The following SLC28A2 variants were observed in gnomAD, a reference collection of about 807,000 sequenced individuals.
SLC28A2 encodes sodium/nucleoside cotransporter 2.
In SLC28A2, 69 loss-of-function variants were observed where a neutral mutation model predicts 72.9. The observed-to-expected ratio is 0.95, with a 90% CI of 0.78 to 1.16. The LOEUF (loss-of-function observed/expected upper bound fraction) is 1.16. Ranked by LOEUF, SLC28A2 falls within the 50% of genes most tolerant of loss-of-function variation. SLC28A2 has a pLI of 0.00. For synonymous variants in SLC28A2, 296 were observed against 294.1 expected (o/e 1.01, Z -0.07); for missense variants, 745 against 791.1 (o/e 0.94, Z 0.70).
chr15:45,265,072 T>A lies in SLC28A2; in HGVS notation c.703-17T>A. The stretch of plus-strand genomic sequence containing the variant: ...GTTTCATTCTTATTCTCTGTCTTTT[T>A]CTTTTTTTCCCTTCAGATTTTCCTG... On this transcript the variant is annotated splice_polypyrimidine_tract_variant and intron_variant, in intron 7 of 17. Coordinates refer to ENST00000347644, the MANE Select transcript of SLC28A2 (RefSeq NM_004212.4). 6.3e-7 allele frequency: 1 copy of A among 1,590,796 alleles called. No homozygotes were observed. Among genetic ancestry groups the A allele is most frequent in the South Asian group, 1.1e-5 (1 of 90,584 alleles).
At position 45,275,559 on chromosome 15, in the gene SLC28A2, G is replaced by C; in HGVS notation, c.*46G>C. Reference sequence around the variant, plus strand: ...TAACAGTTTTGATCTTAAAAGCTTTGTGATTGCAAAGGTGTTTATGTACTC... The same window carrying C: ...TAACAGTTTTGATCTTAAAAGCTTTCTGATTGCAAAGGTGTTTATGTACTC... On this transcript the variant is annotated 3_prime_UTR_variant, in exon 18 of 18. Transcript: ENST00000347644. 8.0e-7 allele frequency: 1 copy of C among 1,253,500 alleles called. No individual in the cohort carries two copies. The highest frequency in any genetic ancestry group is 1.2e-6 in the Non-Finnish European group (1 of 857,834). 77.6% of individuals were successfully genotyped at this position (1,253,500 alleles called of 1,614,324 possible).
In SLC28A2 at chr15:45,276,641, T is replaced by C. The variant is rs1420550002; in HGVS notation, c.*1128T>C. 1 of 152,164 alleles carries C rather than the reference T, an allele frequency of 6.6e-6. No individual in the cohort carries two copies. The highest frequency in any genetic ancestry group is 2.4e-5 in the African/African-American group (1 of 41,438). The allele number at this position is 152,164 out of a possible 1,614,324, so 9.4% of individuals were successfully genotyped here. The stretch of plus-strand genomic sequence containing the variant: ...CCATCTTAAAAATTATGTGATGCAG[T>C]GTGCTATAAATGTGATTTAGTATGT... On this transcript the variant is annotated 3_prime_UTR_variant, in exon 18 of 18. Transcript: ENST00000347644.
chr15:45,265,893 T>A (rs1288992205), intron 9 of SLC28A2, among the ~76,000 whole-genome samples, 188 bp from the exon 10 acceptor site: 2 of 152,186 alleles, frequency 1.3e-5, no homozygotes, highest in African/African-American at 4.8e-5. Flanking sequence ...ATGTACTTGT[T>A]CTAAAGGCAA....
intron 16 of SLC28A2, 68 bp downstream of exon 16, chr15:45,272,461 A>G: frequency 7.8e-7 from 1 of 1,278,300 alleles, no homozygotes; most frequent in South Asian, 1.2e-5. Flanking sequence ...AATATGAGGA[A>G]GGTAGAATTG....
At position 45,276,519 on chromosome 15, in the gene SLC28A2, A is replaced by G. The variant is rs1299814647; in HGVS notation, c.*1006A>G. The G allele has an allele frequency of 6.9e-6, 1 of 144,414 alleles. No individual in the cohort carries two copies. The highest frequency in any genetic ancestry group is 1.9e-4 in the East Asian group (1 of 5,202). The allele number at this position is 144,414 out of a possible 1,614,324, so 8.9% of individuals were successfully genotyped here. A position where few individuals can be genotyped will look rare whatever the true frequency, so the allele number is the denominator to read the frequency against. On this transcript the variant is annotated 3_prime_UTR_variant, in exon 18 of 18. Transcript: ENST00000347644. Reference sequence around the variant, plus strand: ...GAAAAAACTTCATAAAATAAAGTGAAGCACCCACCAAAAAATAAAATAAAT... The same window carrying G: ...GAAAAAACTTCATAAAATAAAGTGAGGCACCCACCAAAAAATAAAATAAAT...
chr15:45,256,315 G>A lies in SLC28A2; in HGVS notation c.170+2795G>A, dbSNP rs569978884. On this transcript the variant is annotated intron_variant, in intron 3 of 17. Coordinates refer to ENST00000347644, the MANE Select transcript of SLC28A2 (RefSeq NM_004212.4). ...CTCCCAAAGTGCTGAGATTACAGGT[G>A]TGAGCCATGTGCCTGACCTTAACTT... 3.3e-5 allele frequency among the ~76,000 whole-genome samples: 5 copies of A among 152,196 alleles called. No homozygotes were observed. In the East Asian group the frequency reaches 5.8e-4, roughly 18 times the overall value.
At position 45,276,694 on chromosome 15, in the gene SLC28A2, C is replaced by T. The variant is rs1900765278; in HGVS notation, c.*1181C>T. 1 of 152,004 alleles carries T rather than the reference C, an allele frequency of 6.6e-6. No individual in the cohort carries two copies. Among genetic ancestry groups the T allele is most frequent in the Non-Finnish European group, 1.5e-5 (1 of 68,010 alleles). 9.4% of individuals were successfully genotyped at this position (152,004 alleles called of 1,614,324 possible). A position where few individuals can be genotyped will look rare whatever the true frequency, so the allele number is the denominator to read the frequency against. On this transcript the variant is annotated 3_prime_UTR_variant, in exon 18 of 18. Coordinates refer to ENST00000347644, the MANE Select transcript of SLC28A2 (RefSeq NM_004212.4). ...TTTGCCTGGGACGGGGGAGAAGCTACATTTATTGGCATTGTGGATGAGCTG... is the reference window on the plus strand; with the variant it reads ...TTTGCCTGGGACGGGGGAGAAGCTATATTTATTGGCATTGTGGATGAGCTG...
At position 45,275,393 on chromosome 15, in the gene SLC28A2, C is replaced by A. The variant is rs755880149; in HGVS notation, c.1860-3C>A. The A allele has an allele frequency of 1.9e-6, 3 of 1,577,714 alleles. No individual in the cohort carries two copies. Among genetic ancestry groups the A allele is most frequent in the East Asian group, 2.2e-5 (1 of 44,722 alleles). On this transcript the variant is annotated splice_polypyrimidine_tract_variant and splice_region_variant and intron_variant, in intron 17 of 17. Coordinates refer to ENST00000347644, the MANE Select transcript of SLC28A2 (RefSeq NM_004212.4). ...TATGTACCTCTCTGGTTTTTCACTG[C>A]AGTACTTCTCTGAATGGCACCAACC...
chr15:45,260,313 G>A (rs1381845294), intron 3 of SLC28A2, among the ~76,000 whole-genome samples: 1 of 152,234 alleles, frequency 6.6e-6, no homozygotes, highest in Non-Finnish European at 1.5e-5. Flanking sequence ...GTACATTGAT[G>A]TAGTTTACAT....
chr15:45,271,158 T>C (rs957499892), intron 15 of SLC28A2, among the ~76,000 whole-genome samples: 7 of 152,244 alleles, frequency 4.6e-5, no homozygotes, highest in African/African-American at 1.7e-4. Flanking sequence ...CTGTTGGAGA[T>C]ACTGCTGCAT....
chr15:45,263,151 T>C lies in SLC28A2; in HGVS notation c.353T>C (p.Leu118Pro), dbSNP rs774296853. 3 of 1,614,066 alleles carry C rather than the reference T, an allele frequency of 1.9e-6. No individual in the cohort carries two copies. The highest frequency in any genetic ancestry group is 2.5e-6 in the Non-Finnish European group (3 of 1,179,946). Residue 118 changes from leucine to proline, a missense_variant, in exon 5 of 18, where the codon CTG becomes CCG. Transcript: ENST00000347644. ...ATCACCTGCTTGGTGATCTTTGTCC[T>C]GGTTCACTCGTTTTTGAAAAAGCTC... The part of the protein sequence containing the change: ...FVITCLVIFV[L>P]VHSFLKKLLG...
chr15:45,252,552 T>G (rs1287805832), intron 1 of SLC28A2, among the ~76,000 whole-genome samples: 1 of 152,218 alleles, frequency 6.6e-6, no homozygotes, highest in Non-Finnish European at 1.5e-5. Flanking sequence ...ATGTATTAAA[T>G]TTGCTTATTC....
chr15:45,269,702 C>T (rs570591638), intron 14 of SLC28A2, among the ~76,000 whole-genome samples, 167 bp downstream of exon 14: 7 of 152,298 alleles, frequency 4.6e-5, no homozygotes, highest in Admixed American at 4.6e-4. Context: ...GCCTCATCTG[C>T]AGCGCCTGAG....
chr15:45,253,312 G>A lies in SLC28A2; in HGVS notation c.81+16G>A, dbSNP rs1408484214. 2 of 1,604,302 alleles carry A rather than the reference G, an allele frequency of 1.2e-6. No individual in the cohort carries two copies. The highest frequency in any genetic ancestry group is 2.2e-5 in the South Asian group (2 of 90,760). Reference sequence around the variant, plus strand: ...GGAGCTCATGGTAATCACCAGTTTAGTTTCTCTCTGCAGAGCTGTGGGCTG... The same window carrying A: ...GGAGCTCATGGTAATCACCAGTTTAATTTCTCTCTGCAGAGCTGTGGGCTG... On this transcript the variant is annotated intron_variant, in intron 2 of 17. Coordinates refer to ENST00000347644, the MANE Select transcript of SLC28A2 (RefSeq NM_004212.4).
At chr15:45,258,907 T>G (rs1209564406) in intron 3 of SLC28A2, among the ~76,000 whole-genome samples, 1 of 152,236 alleles carries the variant, frequency 6.6e-6, no homozygotes. Context: ...TTTATGTAGC[T>G]TTAACAGATG....
At position 45,267,706 on chromosome 15, in the gene SLC28A2, C is replaced by T; in HGVS notation, c.1109C>T (p.Ala370Val). Residue 370 changes from alanine to valine, a missense_variant, in exon 12 of 18, where the codon GCC becomes GTC. Ala to Val is a moderately conservative substitution (Grantham distance 64). Transcript: ENST00000347644. ...CTGATTTCTGCCTCTGTGATGGCCG[C>T]CCCTTGTGCTCTCGCCTCATCAAAG... ...SSLISASVMAAPCALASSKLA... is the reference protein window; with the variant it reads ...SSLISASVMAVPCALASSKLA... 1 of 1,614,088 alleles carries T rather than the reference C, an allele frequency of 6.2e-7. No individual in the cohort carries two copies. The highest frequency in any genetic ancestry group is 2.2e-5 in the East Asian group (1 of 44,860).
At chr15:45,265,270 A>C (rs2271438) in intron 8 of SLC28A2, 104 bp downstream of exon 8, 9 of 827,308 alleles carry the variant, frequency 1.1e-5, no homozygotes, top group Non-Finnish European at 1.9e-5. Context: ...CTGTATACCA[A>C]TTTGACCCTA....
At chr15:45,252,464 C>G (rs1339564615) in intron 1 of SLC28A2, among the ~76,000 whole-genome samples, 186 bp downstream of exon 1, 1 of 152,178 alleles carries the variant, frequency 6.6e-6, no homozygotes, top group Non-Finnish European at 1.5e-5. Context: ...TTTTCAAAAG[C>G]AATTCCATGG....
chr15:45,257,780 C>T (rs148466329), intron 3 of SLC28A2, among the ~76,000 whole-genome samples: 25 of 152,228 alleles, frequency 1.6e-4, no homozygotes, highest in African/African-American at 5.1e-4. Flanking sequence ...GATGTTGCTT[C>T]GACTTTATTA....
Sources: allele counts gnomAD v4.1 joint callset (sites outside exome capture counted in the v4.1 genomes callset), GRCh38; gene constraint gnomAD v4.1.1; transcripts MANE v1.5; gene names NCBI Gene and HGNC (gene_info 2026-07-23, HGNC 2026-07-21).